The following TASP1 variants were observed in gnomAD, a reference collection of about 807,000 sequenced individuals.
TASP1 encodes the protein taspase 1.
A neutral mutation model predicts 56.6 loss-of-function variants in TASP1; 16 were observed. The ratio of observed to expected loss-of-function variants is 0.28; its 90% CI spans 0.19 to 0.43. The LOEUF (loss-of-function observed/expected upper bound fraction) is 0.43. Ranked by LOEUF, TASP1 falls within the 20% of genes least tolerant of loss-of-function variation. The pLI, the probability that TASP1 is intolerant of heterozygous loss-of-function variation, is 1.00. For synonymous variants in TASP1, 179 were observed against 184.2 expected (o/e 0.97, Z 0.23); for missense variants, 393 against 511.6 (o/e 0.77, Z 2.24).
the TASP1 span, among the ~76,000 whole-genome samples, chr20:13,118,747 G>A: frequency 1.3e-5 from 2 of 152,188 alleles, no homozygotes; most frequent in African/African-American, 4.8e-5. Context: ...CTATTGTGAT[G>A]AACAGGAACA....
At chr20:13,189,624 G>C in the TASP1 span, among the ~76,000 whole-genome samples, 6 of 152,058 alleles carry the variant, frequency 3.9e-5, no homozygotes, top group African/African-American at 1.4e-4. Flanking sequence ...ATACCAATCA[G>C]AATGGCTATT....
chr20:13,404,784 G>A (rs1320525052), intron 13 of TASP1, among the ~76,000 whole-genome samples: 1 of 152,066 alleles, frequency 6.6e-6, no homozygotes, highest in East Asian at 1.9e-4. Flanking sequence ...GCAATTTCTA[G>A]TCAAACACCT....
At chr20:13,150,408 C>T in the TASP1 span, among the ~76,000 whole-genome samples, 1 of 152,158 alleles carries the variant, frequency 6.6e-6, no homozygotes, top group Non-Finnish European at 1.5e-5. Context: ...GGATTCCTTA[C>T]TTGTGTTCAC....
chr20:13,623,102 T>G (rs1171463449), intron 4 of TASP1, among the ~76,000 whole-genome samples: 2 of 152,166 alleles, frequency 1.3e-5, no homozygotes, highest in African/African-American at 2.4e-5. Flanking sequence ...ACAGTTGGAA[T>G]TTTTCTTTTA....
intron 11 of TASP1, among the ~76,000 whole-genome samples, chr20:13,454,805 G>A (rs1476699907): frequency 6.6e-6 from 1 of 152,098 alleles, no homozygotes; most frequent in Non-Finnish European, 1.5e-5. Flanking sequence ...TGGAGGCCTT[G>A]TTTATCCCTG....
At chr20:13,256,800 G>C in the TASP1 span, among the ~76,000 whole-genome samples, 1 of 152,160 alleles carries the variant, frequency 6.6e-6, no homozygotes, top group Non-Finnish European at 1.5e-5. Context: ...CTGTACAATG[G>C]GGGTGATGAT....
chr20:13,306,564 C>CAAAAAAAAAAAAAAAAAAAAAAAAGAAAA, the TASP1 span, among the ~76,000 whole-genome samples: 1 of 63,908 alleles, frequency 1.6e-5, no homozygotes, highest in Non-Finnish European at 2.6e-5. Context: ...GGAGAAAGGA[C>CAAAAAAAAAAAAAAAAAAAAAAAAGAAAA]AAAAAAAAAA....
chr20:13,210,057 T>C, the TASP1 span, among the ~76,000 whole-genome samples: 17 of 152,332 alleles, frequency 1.1e-4, no homozygotes, highest in African/African-American at 4.1e-4. Flanking sequence ...AGATTAGTTG[T>C]GCCTGTTCTT....
intron 6 of TASP1, among the ~76,000 whole-genome samples, chr20:13,575,336 G>C (rs1010598659): frequency 2.0e-5 from 3 of 152,128 alleles, no homozygotes; most frequent in Non-Finnish European, 4.4e-5. Flanking sequence ...ATATTGAATT[G>C]TAGCTCCCAT....
At chr20:13,434,582 A>G (rs980192726) in intron 12 of TASP1, among the ~76,000 whole-genome samples, 1 of 152,196 alleles carries the variant, frequency 6.6e-6, no homozygotes, top group African/African-American at 2.4e-5. Flanking sequence ...AGCATGGAAC[A>G]GCAAGACCAA....
At chr20:13,574,566 T>C (rs984824954) in intron 6 of TASP1, among the ~76,000 whole-genome samples, 8 of 152,196 alleles carry the variant, frequency 5.3e-5, no homozygotes, top group Non-Finnish European at 1.2e-4. Flanking sequence ...ATAGTTGTTA[T>C]AACACTATTC....
the TASP1 span, among the ~76,000 whole-genome samples, chr20:13,271,832 T>C: frequency 6.7e-6 from 1 of 149,986 alleles, no homozygotes; most frequent in Non-Finnish European, 1.5e-5. Flanking sequence ...TAGAATACAA[T>C]GGCACGATCA....
chr20:13,435,171 A>G lies in TASP1; in HGVS notation c.986-17T>C. On this transcript the variant is annotated splice_polypyrimidine_tract_variant and intron_variant, in intron 11 of 13. Transcript: ENST00000337743. ...AAGGTGAACCTAGGCAGAAAGGACT[A>G]GTAGTTATTTTTCAGTGAATTTTAC... 1 of 1,527,674 alleles carries G rather than the reference A, an allele frequency of 6.5e-7. No individual in the cohort carries two copies. The highest frequency in any genetic ancestry group is 1.2e-5 in the South Asian group (1 of 80,846). The allele number at this position is 1,527,674 out of a possible 1,614,324, so 94.6% of individuals were successfully genotyped here. A position where few individuals can be genotyped will look rare whatever the true frequency, so the allele number is the denominator to read the frequency against.
the TASP1 span, among the ~76,000 whole-genome samples, chr20:13,134,938 C>A: frequency 6.6e-6 from 1 of 152,194 alleles, no homozygotes; most frequent in Non-Finnish European, 1.5e-5. Context: ...TCCCCATGAC[C>A]ACTTTGGCAT....
At chr20:13,550,117 A>G (rs1035643358) in intron 8 of TASP1, among the ~76,000 whole-genome samples, 1 of 150,136 alleles carries the variant, frequency 6.7e-6, no homozygotes, top group Non-Finnish European at 1.5e-5. Context: ...CTAAGTTAGA[A>G]GCTTTTCCTA....
the TASP1 span, among the ~76,000 whole-genome samples, chr20:13,108,966 A>G: frequency 5.9e-4 from 90 of 152,224 alleles, no homozygotes; most frequent in Non-Finnish European, 1.0e-3. Flanking sequence ...ATCTTCTCAA[A>G]AAAGGGAAAG....
chr20:13,453,277 A>T (rs574302453), intron 11 of TASP1, among the ~76,000 whole-genome samples: 143 of 152,212 alleles, frequency 9.4e-4, no homozygotes, highest in African/African-American at 3.3e-3. Context: ...GACCTGAGGG[A>T]TCTTGTGGCA....
At chr20:13,620,029 A>C (rs558534142) in intron 4 of TASP1, among the ~76,000 whole-genome samples, 2 of 152,182 alleles carry the variant, frequency 1.3e-5, no homozygotes, top group Non-Finnish European at 2.9e-5. Context: ...CTCTAAAGGA[A>C]GAAGGTGGTC....
chr20:13,327,188 T>G, the TASP1 span, among the ~76,000 whole-genome samples: 1 of 152,018 alleles, frequency 6.6e-6, no homozygotes, highest in Non-Finnish European at 1.5e-5. Context: ...GAGAGCCAAA[T>G]CATGAATGAA....
Sources: gnomAD v4.1 joint callset for allele counts (sites outside exome capture counted in the v4.1 genomes callset) on GRCh38, gnomAD v4.1.1 for gene constraint, MANE v1.5 for transcripts, NCBI Gene and HGNC (gene_info 2026-07-23, HGNC 2026-07-21) for gene names.